Variants in COPS7B observed in about 807,000 individuals in gnomAD.
COPS7B encodes COP9 signalosome complex subunit 7b.
COPS7B carries 9 observed loss-of-function variants against 33.4 expected under a neutral mutation model. The ratio of observed to expected loss-of-function variants is 0.27; its 90% CI spans 0.16 to 0.47. The LOEUF is 0.47. COPS7B is among the 20% of genes least tolerant of loss of function. The pLI is 0.99. For missense variants in COPS7B, 242 were observed against 318.2 expected (o/e 0.76, Z 1.82); for synonymous variants, 119 against 126.3 (o/e 0.94, Z 0.39).
chr2:231,785,268 C>T (rs984417870), upstream of COPS7B, among the ~76,000 whole-genome samples: 1 of 152,204 alleles, frequency 6.6e-6, no homozygotes, highest in African/African-American at 2.4e-5. Context: ...CTAAGTAATT[C>T]CCCAGTACCT....
At position 231,807,600 on chromosome 2, in the gene COPS7B, CAAG is replaced by C. The variant is rs1002427998; in HGVS notation, c.755_757del (p.Lys252del). ...CTCACGCTGAGCAGAGGCAGCCCAC[CAAG>C]AAGATGTCCAAAGTGAAAGGTCTGG... On this transcript the variant is annotated inframe_deletion, in exon 7 of 7. Coordinates refer to ENST00000350033, the MANE Select transcript of COPS7B (RefSeq NM_022730.4). 3.2e-6 allele frequency: 5 copies of C among 1,582,544 alleles called. No individual in the cohort carries two copies. Among genetic ancestry groups the C allele is most frequent in the Non-Finnish European group, 4.3e-6 (5 of 1,164,052 alleles).
upstream of COPS7B, among the ~76,000 whole-genome samples, chr2:231,783,309 G>C (rs2049171941): frequency 6.6e-6 from 1 of 152,174 alleles, no homozygotes. Flanking sequence ...CTAGTGTGTA[G>C]GGAGGGTATG....
intron 3 of COPS7B, among the ~76,000 whole-genome samples, chr2:231,793,308 T>G (rs2049473245): frequency 1.3e-5 from 2 of 152,196 alleles, no homozygotes; most frequent in Non-Finnish European, 2.9e-5. Flanking sequence ...AAAAAGCCTG[T>G]CTCCGTACAG....
chr2:231,795,767 A>G (rs1445469266), intron 4 of COPS7B, among the ~76,000 whole-genome samples: 1 of 152,182 alleles, frequency 6.6e-6, no homozygotes, highest in Non-Finnish European at 1.5e-5. Context: ...GCAAAGTCTG[A>G]AAGCTTCCAG....
chr2:231,791,919 T>C (rs1425768404), intron 3 of COPS7B, 111 bp downstream of exon 3: 2 of 945,302 alleles, frequency 2.1e-6, no homozygotes, highest in Non-Finnish European at 3.4e-6. Context: ...CTTCTTGACC[T>C]GGCTGCCTCC....
At chr2:231,787,902 A>C (rs893558298) in intron 1 of COPS7B, among the ~76,000 whole-genome samples, 32 of 152,200 alleles carry the variant, frequency 2.1e-4, no homozygotes, top group African/African-American at 7.7e-4. Flanking sequence ...CTTAACCAGA[A>C]TGTATAAACG....
intron 6 of COPS7B, among the ~76,000 whole-genome samples, chr2:231,802,067 G>T (rs1294785770): frequency 6.6e-6 from 1 of 152,146 alleles, no homozygotes; most frequent in African/African-American, 2.4e-5. Flanking sequence ...GAGCCACCGC[G>T]CCCGGCCTCA....
intron 6 of COPS7B, among the ~76,000 whole-genome samples, chr2:231,805,725 C>G (rs1342891135): frequency 6.6e-6 from 1 of 152,002 alleles, no homozygotes; most frequent in African/African-American, 2.4e-5. Context: ...TCACTGTAGC[C>G]TCTACCTCTT....
At chr2:231,788,491 C>A in intron 1 of COPS7B, 64 bp from the exon 2 acceptor site, 1 of 1,484,384 alleles carries the variant, frequency 6.7e-7, no homozygotes, top group Non-Finnish European at 9.2e-7. Flanking sequence ...TGATTCAGCA[C>A]TGAATAGGCA....
chr2:231,784,099 C>T (rs2049185436), upstream of COPS7B, among the ~76,000 whole-genome samples: 2 of 146,862 alleles, frequency 1.4e-5, no homozygotes, highest in Non-Finnish European at 3.0e-5. Flanking sequence ...GTAAGTTGTG[C>T]CGGGCATGGG....
In COPS7B at chr2:231,808,798, GGTGTGT is replaced by G. The variant is rs543816090; in HGVS notation, c.*1192_*1197del. ...TGGTTGGAGGGTGGGGGTGGGGTGG[GGTGTGT>G]GTGTGTGTGTGTGTGTGTGTGTGTG... is the stretch of plus-strand genomic sequence containing the variant. On this transcript the variant is annotated 3_prime_UTR_variant, in exon 7 of 7. Coordinates refer to ENST00000350033, the MANE Select transcript of COPS7B (RefSeq NM_022730.4). 0.021 allele frequency: 1,580 copies of G among 75,770 alleles called. 41 individuals carry two copies. The highest frequency in any genetic ancestry group is 0.083 in the African/African-American group (1,390 of 16,712). The allele number at this position is 75,770 out of a possible 1,614,324, so 4.7% of individuals were successfully genotyped here.
chr2:231,791,916 A>G lies in COPS7B; in HGVS notation c.238+108A>G, dbSNP rs1292035909. On this transcript the variant is annotated intron_variant, in intron 3 of 6. Coordinates refer to ENST00000350033, the MANE Select transcript of COPS7B (RefSeq NM_022730.4). ...CATGGGGTAGTGGGGAGACTTCTTG[A>G]CCTGGCTGCCTCCCATTTTGCTGTG... 5.1e-6 allele frequency: 5 copies of G among 981,408 alleles called. No individual in the cohort carries two copies. In the African/African-American group the frequency reaches 8.0e-5, roughly 16 times the overall value. 60.8% of individuals were successfully genotyped at this position (981,408 alleles called of 1,614,324 possible).
intron 3 of COPS7B, 168 bp from the exon 4 acceptor site, chr2:231,794,095 G>A: frequency 1.9e-6 from 1 of 537,850 alleles, no homozygotes. Context: ...TTCTTTGGAA[G>A]TACATAGTCT....
chr2:231,799,696 T>C (rs569996120), intron 6 of COPS7B, among the ~76,000 whole-genome samples: 24 of 152,346 alleles, frequency 1.6e-4, no homozygotes, highest in African/African-American at 5.8e-4. Flanking sequence ...CTGATTTTCC[T>C]TAGCATTGGA....
In COPS7B at chr2:231,794,315, G is replaced by A. The variant is rs200675818; in HGVS notation, c.291G>A (p.Lys97=). 5.6e-6 allele frequency: 9 copies of A among 1,614,110 alleles called. No homozygotes were observed. The East Asian group carries it at 1.6e-4, about 28-fold the overall frequency. The change falls in exon 4 of 7, where the codon AAG becomes AAA. Residue 97 remains lysine (K), a synonymous_variant. Coordinates refer to ENST00000350033, the MANE Select transcript of COPS7B (RefSeq NM_022730.4). ...GCACAGCTCAGCAGAACAAGCTGAA[G>A]CATCTTACCATCGTGAGCTTGGCAT... ...ELSTAQQNKL[K]HLTIVSLASR...
intron 2 of COPS7B, chr2:231,789,994 C>G (rs1423840708): frequency 2.0e-5 from 3 of 152,168 alleles, no homozygotes; most frequent in Non-Finnish European, 4.4e-5. Context: ...GAACTATAAA[C>G]TCTGTGAGGA....
At chr2:231,792,479 G>A (rs988548767) in intron 3 of COPS7B, among the ~76,000 whole-genome samples, 3 of 152,138 alleles carry the variant, frequency 2.0e-5, no homozygotes, top group Admixed American at 2.0e-4. Flanking sequence ...GCAACAGAGC[G>A]AGACTCTGTC....
chr2:231,799,886 A>C (rs754239505), intron 6 of COPS7B, among the ~76,000 whole-genome samples: 2 of 152,180 alleles, frequency 1.3e-5, no homozygotes, highest in African/African-American at 4.8e-5. Context: ...CTATACTGTT[A>C]TATGCACTCC....
Position 231,788,632 on chromosome 2 carries a change from G to A in COPS7B, c.62G>A (p.Gly21Asp). Reference protein sequence around the residue: ...LLEQFILLAKGTSGSALTALI... With the variant: ...LLEQFILLAKDTSGSALTALI... Reference sequence around the variant, plus strand: ...GAGCAGTTTATTTTACTAGCCAAAGGTACCAGTGGCTCAGCCCTCACTGCT... The same window carrying A: ...GAGCAGTTTATTTTACTAGCCAAAGATACCAGTGGCTCAGCCCTCACTGCT... The change falls in exon 2 of 7, where the codon GGT becomes GAT. Residue 21 changes from glycine (G) to aspartate (D), a missense_variant. Physicochemically the swap from Gly to Asp is moderately conservative, Grantham distance 94. Transcript: ENST00000350033. 2 of 1,614,164 alleles carry A rather than the reference G, an allele frequency of 1.2e-6. No individual in the cohort carries two copies. The highest frequency in any genetic ancestry group is 2.2e-5 in the South Asian group (2 of 91,074).
Sources: allele counts gnomAD v4.1 joint callset (sites outside exome capture counted in the v4.1 genomes callset), GRCh38; gene constraint gnomAD v4.1.1; transcripts MANE v1.5; gene names NCBI Gene and HGNC (gene_info 2026-07-23, HGNC 2026-07-21).